PRDM5: variants seen among roughly 807,000 people sequenced by gnomAD.
The protein encoded by PRDM5 is PR/SET domain 5, also known as PR domain zinc finger protein 5.
A neutral mutation model predicts 81.2 loss-of-function variants in PRDM5; 56 were observed. The observed-to-expected ratio is 0.69, with a 90% confidence interval of 0.56 to 0.86. The LOEUF is 0.86. Ranked by LOEUF, PRDM5 falls within the 40% of genes least tolerant of loss-of-function variation. The probability of loss-of-function intolerance (pLI) is 0.00; values close to 1 mark genes in which losing one functional copy is unlikely to be tolerated. For missense variants in PRDM5, 697 were observed against 770.1 expected, an observed-to-expected ratio of 0.91 and a Z score of 1.12; for synonymous variants, 267 against 256.4, an observed-to-expected ratio of 1.04 and a Z score of -0.39.
At chr4:120,861,371 T>C (rs1760551952) in intron 2 of PRDM5, among the ~76,000 whole-genome samples, 1 of 152,172 alleles carries the variant, frequency 6.6e-6, no homozygotes, top group South Asian at 2.1e-4. Flanking sequence ...AGGTATTAAA[T>C]ATTAATAAGC....
At position 120,745,983 on chromosome 4, in the gene PRDM5, T is replaced by C. The variant is rs1099231; in HGVS notation, c.1623+8570A>G. Among the ~76,000 whole-genome samples, 455 of 148,370 alleles carry C rather than the reference T, an allele frequency of 3.1e-3. 1 individual carries two copies. The highest frequency in any genetic ancestry group is 0.011 in the African/African-American group (430 of 39,804). ...AGAGCCCGCATTTCCAAGTCAATCC[T>C]AAGCCAAAAGAACAAAGCTGGAGGC... On this transcript the variant is annotated intron_variant, in intron 14 of 15. Transcript: ENST00000264808.
chr4:120,799,975 T>C (rs930055636), intron 8 of PRDM5, among the ~76,000 whole-genome samples: 1 of 152,210 alleles, frequency 6.6e-6, no homozygotes, highest in Non-Finnish European at 1.5e-5. Flanking sequence ...TCCTTAAAAA[T>C]GTAATACAGC....
intron 12 of PRDM5, among the ~76,000 whole-genome samples, chr4:120,778,794 T>C (rs1748572247): frequency 6.6e-6 from 1 of 152,154 alleles, no homozygotes; most frequent in Non-Finnish European, 1.5e-5. Context: ...CAAGCTGATA[T>C]ACAAAATAGT....
At chr4:120,772,185 G>A (rs765095405) in intron 13 of PRDM5, among the ~76,000 whole-genome samples, 20 of 152,186 alleles carry the variant, frequency 1.3e-4, no homozygotes, top group South Asian at 4.1e-4. Flanking sequence ...CTCTCTAGGC[G>A]GGAAAAGTTA....
intron 2 of PRDM5, among the ~76,000 whole-genome samples, chr4:120,878,632 G>A (rs191191196): frequency 6.6e-6 from 1 of 151,984 alleles, no homozygotes; most frequent in Non-Finnish European, 1.5e-5. Context: ...AAAAAGATGA[G>A]CCACACAGTG....
Position 120,692,021 on chromosome 4 carries a change from A to C in PRDM5, c.*3090T>G, listed in dbSNP as rs889848993. Reference sequence around the variant, plus strand: ...ATTTATATACACGCAAACAAATGTCAATATCAATGGTAAAATTTTAGGATT... The same window carrying C: ...ATTTATATACACGCAAACAAATGTCCATATCAATGGTAAAATTTTAGGATT... On this transcript the variant is annotated 3_prime_UTR_variant, in exon 16 of 16. Transcript: ENST00000264808. The C allele has an allele frequency of 2.0e-5, 3 of 152,066 alleles. No homozygotes were observed. Among genetic ancestry groups the C allele is most frequent in the African/African-American group, 7.2e-5 (3 of 41,444 alleles). 9.4% of individuals were successfully genotyped at this position (152,066 alleles called of 1,614,324 possible). A position where few individuals can be genotyped will look rare whatever the true frequency, so the allele number is the denominator to read the frequency against.
chr4:120,706,857 C>A (rs928417254), intron 15 of PRDM5, among the ~76,000 whole-genome samples: 1 of 150,010 alleles, frequency 6.7e-6, no homozygotes, highest in African/African-American at 2.4e-5. Flanking sequence ...AAACACACAG[C>A]AATTACCAAA....
At chr4:120,753,880 TA>T (rs1352074562) in intron 14 of PRDM5, among the ~76,000 whole-genome samples, 4 of 152,174 alleles carry the variant, frequency 2.6e-5, no homozygotes, top group Non-Finnish European at 4.4e-5. Context: ...TAATTGTGCT[TA>T]AATCGAATAG....
In PRDM5 at chr4:120,858,626, A is replaced by G. The variant is rs578179344; in HGVS notation, c.178-5086T>C. 4.6e-5 allele frequency among the ~76,000 whole-genome samples: 7 copies of G among 152,192 alleles called. No individual in the cohort carries two copies. The South Asian group carries it at 1.5e-3, about 32-fold the overall frequency. On this transcript the variant is annotated intron_variant, in intron 2 of 15. Coordinates refer to ENST00000264808, the MANE Select transcript of PRDM5 (RefSeq NM_018699.4). ...ACACACCATTGTAGCTTATCTACTT[A>G]TAACTCCCTTCTACCTTCCGTCCCT...
chr4:120,741,210 G>A (rs1741885923), intron 14 of PRDM5, among the ~76,000 whole-genome samples: 1 of 152,052 alleles, frequency 6.6e-6, no homozygotes. Flanking sequence ...AACCAACGCT[G>A]CATATCCTCT....
chr4:120,788,741 G>C (rs557141228), intron 10 of PRDM5, among the ~76,000 whole-genome samples: 195 of 152,236 alleles, frequency 1.3e-3, no homozygotes, highest in Non-Finnish European at 2.3e-3. Flanking sequence ...CTAGATATTG[G>C]CCTAAAGCCA....
chr4:120,737,494 C>T (rs1741289641), intron 14 of PRDM5, among the ~76,000 whole-genome samples: 1 of 152,126 alleles, frequency 6.6e-6, no homozygotes, highest in Non-Finnish European at 1.5e-5. Context: ...CCAGTACTTT[C>T]CCACGCCATC....
chr4:120,891,170 T>G (rs180864392), intron 2 of PRDM5, among the ~76,000 whole-genome samples: 127 of 152,314 alleles, frequency 8.3e-4, no homozygotes, highest in African/African-American at 3.0e-3. Context: ...TCGGGCTTTT[T>G]CTGGTTTTTA....
chr4:120,850,825 A>G (rs1049277055), intron 3 of PRDM5, among the ~76,000 whole-genome samples: 1 of 152,188 alleles, frequency 6.6e-6, no homozygotes, highest in East Asian at 1.9e-4. Flanking sequence ...ATATAGAGGA[A>G]GAAAAGTACT....
chr4:120,710,186 T>A, intron 15 of PRDM5, 123 bp downstream of exon 15: 2 of 806,126 alleles, frequency 2.5e-6, no homozygotes, highest in South Asian at 2.9e-5. Flanking sequence ...TTAACAGGCA[T>A]AGGCACATTC....
intron 2 of PRDM5, among the ~76,000 whole-genome samples, chr4:120,903,960 C>G (rs1055120487): frequency 1.3e-5 from 2 of 151,928 alleles, no homozygotes; most frequent in Non-Finnish European, 2.9e-5. Flanking sequence ...GAGGCCGAGG[C>G]CAGCAGATCA....
chr4:120,906,533 T>C (rs962833100), intron 2 of PRDM5, among the ~76,000 whole-genome samples: 11 of 152,172 alleles, frequency 7.2e-5, no homozygotes, highest in African/African-American at 1.9e-4. Flanking sequence ...CAAATTTTTG[T>C]TTCAACAGTC....
At chr4:120,853,601 T>C in intron 2 of PRDM5, 61 bp from the exon 3 acceptor site, 1 of 1,606,820 alleles carries the variant, frequency 6.2e-7, no homozygotes, top group African/African-American at 1.3e-5. Context: ...TTTAAACACA[T>C]CAAGGTTAGG....
At chr4:120,911,291 A>AT (rs1460318468) in intron 1 of PRDM5, among the ~76,000 whole-genome samples, 2 of 152,170 alleles carry the variant, frequency 1.3e-5, no homozygotes, top group Admixed American at 6.5e-5. Context: ...GAAATCACTG[A>AT]TTTTTTACAC....
Sources: allele counts gnomAD v4.1 joint callset (sites outside exome capture counted in the v4.1 genomes callset), GRCh38; gene constraint gnomAD v4.1.1; transcripts MANE v1.5; gene names NCBI Gene and HGNC (gene_info 2026-07-23, HGNC 2026-07-21).